Variants in KHDRBS2 observed in about 807,000 individuals in gnomAD.
KHDRBS2 encodes the protein KH RNA binding domain containing, signal transduction associated 2, also known as KH domain-containing, RNA-binding, signal transduction-associated protein 2.
In KHDRBS2, 26 loss-of-function variants were observed where a neutral mutation model predicts 44.3. The observed-to-expected ratio is 0.59, with a 90% CI of 0.43 to 0.81. The LOEUF (loss-of-function observed/expected upper bound fraction) is 0.81, where lower values mean the gene tolerates loss of function less well. Among genes scored for constraint, KHDRBS2 ranks in the 40% least tolerant of loss-of-function variants. KHDRBS2 has a pLI of 0.00. For missense variants in KHDRBS2, 476 were observed against 433.1 expected (o/e 1.10, Z -0.88); for synonymous variants, 194 against 151.1 (o/e 1.28, Z -2.08).
At chr6:62,112,051 T>G (rs969299534) in intron 2 of KHDRBS2, among the ~76,000 whole-genome samples, 3 of 152,164 alleles carry the variant, frequency 2.0e-5, no homozygotes, top group Non-Finnish European at 2.9e-5. Context: ...TGGAAATTAT[T>G]TTTAACTGAT....
chr6:61,659,249 G>A, the KHDRBS2 span: 2 of 151,774 alleles, frequency 1.3e-5, no homozygotes, highest in African/African-American at 4.8e-5. Flanking sequence ...ATATAAACAT[G>A]AGGTGCTGAG....
intron 2 of KHDRBS2, among the ~76,000 whole-genome samples, chr6:62,061,945 C>A (rs1019232838): frequency 1.3e-5 from 2 of 151,858 alleles, no homozygotes; most frequent in Non-Finnish European, 2.9e-5. Flanking sequence ...CGCTGATACC[C>A]TTTCTTCCAG....
At chr6:62,171,621 C>A (rs1295901906) in intron 2 of KHDRBS2, among the ~76,000 whole-genome samples, 2 of 150,838 alleles carry the variant, frequency 1.3e-5, no homozygotes, top group Non-Finnish European at 3.0e-5. Flanking sequence ...ATCCCCAAGA[C>A]ACATAGTCAT....
intron 6 of KHDRBS2, among the ~76,000 whole-genome samples, chr6:61,792,021 CTT>C (rs1042106653): frequency 2.0e-5 from 3 of 150,914 alleles, no homozygotes; most frequent in African/African-American, 7.3e-5. Context: ...TTTTTCTTCT[CTT>C]TTAATGTTTT....
At chr6:61,991,876 T>C (rs879665807) in intron 3 of KHDRBS2, among the ~76,000 whole-genome samples, 3 of 152,190 alleles carry the variant, frequency 2.0e-5, no homozygotes, top group Non-Finnish European at 2.9e-5. Flanking sequence ...CAGAATTGTA[T>C]AGATGTTGCC....
intron 6 of KHDRBS2, among the ~76,000 whole-genome samples, chr6:61,740,940 A>C (rs534835425): frequency 1.3e-5 from 2 of 151,926 alleles, no homozygotes; most frequent in Non-Finnish European, 2.9e-5. Context: ...TTGTCCACTG[A>C]GAAGACAAAC....
intron 1 of KHDRBS2, among the ~76,000 whole-genome samples, chr6:62,246,132 AT>A (rs1469925555): frequency 1.2e-4 from 18 of 146,366 alleles, no homozygotes; most frequent in South Asian, 6.5e-4. Context: ...ATATATATAT[AT>A]ATAATCAATG....
At chr6:61,629,327 C>T in the KHDRBS2 span, among the ~76,000 whole-genome samples, 2 of 152,138 alleles carry the variant, frequency 1.3e-5, no homozygotes, top group African/African-American at 4.8e-5. Context: ...TCCCAAACAT[C>T]ATTTAAGCAA....
intron 7 of KHDRBS2, among the ~76,000 whole-genome samples, chr6:61,717,015 G>T (rs997915682): frequency 6.6e-6 from 1 of 152,046 alleles, no homozygotes; most frequent in African/African-American, 2.4e-5. Flanking sequence ...CTCAATAAAA[G>T]ATTAAGCAGG....
intron 3 of KHDRBS2, among the ~76,000 whole-genome samples, chr6:62,036,534 C>T (rs1003271393): frequency 2.6e-5 from 4 of 151,856 alleles, no homozygotes; most frequent in African/African-American, 9.7e-5. Flanking sequence ...CTTTTATTCT[C>T]TAAGCCTAAA....
At chr6:62,019,674 T>C (rs1379895189) in intron 3 of KHDRBS2, among the ~76,000 whole-genome samples, 1 of 152,104 alleles carries the variant, frequency 6.6e-6, no homozygotes, top group Non-Finnish European at 1.5e-5. Flanking sequence ...AGTTCAAATA[T>C]TTTTTAAACA....
intron 5 of KHDRBS2, among the ~76,000 whole-genome samples, chr6:61,897,861 C>T (rs1803212657): frequency 6.6e-6 from 1 of 152,108 alleles, no homozygotes; most frequent in African/African-American, 2.4e-5. Context: ...ACGTGGTAAA[C>T]AAAAGCCTTC....
At chr6:61,606,869 C>A in the KHDRBS2 span, among the ~76,000 whole-genome samples, 1 of 152,260 alleles carries the variant, frequency 6.6e-6, no homozygotes, top group Non-Finnish European at 1.5e-5. Flanking sequence ...AAATAGATAT[C>A]TCAAACATGT....
the KHDRBS2 span, among the ~76,000 whole-genome samples, chr6:61,649,499 A>G: frequency 6.6e-6 from 1 of 152,154 alleles, no homozygotes; most frequent in Non-Finnish European, 1.5e-5. Flanking sequence ...CATTTATATA[A>G]CAGCTTCACA....
At chr6:61,997,918 A>G (rs1254790205) in intron 3 of KHDRBS2, among the ~76,000 whole-genome samples, 1 of 152,228 alleles carries the variant, frequency 6.6e-6, no homozygotes, top group African/African-American at 2.4e-5. Context: ...AGATATTCCA[A>G]AATATGACTA....
chr6:61,729,316 G>A (rs1472594791), intron 7 of KHDRBS2, among the ~76,000 whole-genome samples: 1 of 152,070 alleles, frequency 6.6e-6, no homozygotes, highest in Non-Finnish European at 1.5e-5. Flanking sequence ...AACACACACT[G>A]GGGCCTTTTG....
chr6:61,593,882 A>C, the KHDRBS2 span, among the ~76,000 whole-genome samples: 2 of 152,260 alleles, frequency 1.3e-5, no homozygotes, highest in East Asian at 3.9e-4. Context: ...TATCAGGTTA[A>C]TCTTTCTCCA....
rs1408796629 is a variant in KHDRBS2 at position 61,698,814 on chromosome 6, G to A, written c.894-1561C>T. On this transcript the variant is annotated intron_variant, in intron 7 of 8. Coordinates refer to ENST00000281156, the MANE Select transcript of KHDRBS2 (RefSeq NM_152688.4). ...CTGCCTCAGGGCTTTTTCATTTGCT[G>A]TTTCTCCTACCTGAAACAGGCTTTC... 2.0e-5 allele frequency among the ~76,000 whole-genome samples: 3 copies of A among 151,612 alleles called. No homozygotes were observed. The East Asian group carries it at 5.8e-4, about 29-fold the overall frequency.
intron 3 of KHDRBS2, among the ~76,000 whole-genome samples, chr6:62,021,997 C>T (rs1782427427): frequency 6.7e-6 from 1 of 148,520 alleles, no homozygotes; most frequent in Admixed American, 6.8e-5. Context: ...ATTATATATA[C>T]ACACACTATA....
Sources: gnomAD v4.1 joint callset for allele counts (sites outside exome capture counted in the v4.1 genomes callset) on GRCh38, gnomAD v4.1.1 for gene constraint, MANE v1.5 for transcripts, NCBI Gene and HGNC (gene_info 2026-07-23, HGNC 2026-07-21) for gene names.